Variants in ZNF451 observed in about 807,000 individuals in gnomAD.
The protein encoded by ZNF451 is E3 SUMO-protein ligase ZNF451.
Under a neutral mutation model 107.1 loss-of-function variants are expected in ZNF451, and 80 were observed. That is an observed-to-expected ratio of 0.75 (90% CI 0.62 to 0.90). The LOEUF (loss-of-function observed/expected upper bound fraction) is 0.90, where lower values mean the gene tolerates loss of function less well. Ranked by LOEUF, ZNF451 falls within the 40% of genes least tolerant of loss-of-function variation. The pLI, the probability that ZNF451 is intolerant of heterozygous loss-of-function variation, is 0.00. For synonymous variants in ZNF451, 362 were observed against 406.5 expected (o/e 0.89, Z 1.32); for missense variants, 1,107 against 1,236.2 (o/e 0.90, Z 1.57).
chr6:57,093,791 A>C (rs1829160465), intron 2 of ZNF451, among the ~76,000 whole-genome samples: 1 of 152,252 alleles, frequency 6.6e-6, no homozygotes, highest in African/African-American at 2.4e-5. Context: ...GATTATGTGT[A>C]GTCGTGAAAG....
chr6:57,118,369 A>G (rs1169142197), intron 3 of ZNF451, among the ~76,000 whole-genome samples: 1 of 152,228 alleles, frequency 6.6e-6, no homozygotes, highest in Non-Finnish European at 1.5e-5. Context: ...AACACACTCT[A>G]TACCTGTGTT....
At chr6:57,109,832 TTGTTATTTCATA>T (rs1398725712) in intron 3 of ZNF451, 6 of 575,836 alleles carry the variant, frequency 1.0e-5, no homozygotes, top group African/African-American at 8.1e-5. Context: ...AGATGGTATT[TTGTTATTTCATA>T]TCTGTGTTGA....
At chr6:57,091,324 T>G (rs900879069) in intron 2 of ZNF451, 5 of 100,662 alleles carry the variant, frequency 5.0e-5, no homozygotes, top group African/African-American at 1.9e-4. Flanking sequence ...TGAAGATTTC[T>G]CTAACCTCTG....
chr6:57,104,125 T>C (rs1184971063), intron 3 of ZNF451: 1 of 984,204 alleles, frequency 1.0e-6, no homozygotes, highest in East Asian at 1.1e-4. Flanking sequence ...TTATTTCCAC[T>C]TCTGTAGAAA....
intron 3 of ZNF451, among the ~76,000 whole-genome samples, chr6:57,113,530 C>T (rs910531916): frequency 4.0e-5 from 6 of 151,132 alleles, no homozygotes; most frequent in Non-Finnish European, 5.9e-5. Context: ...TTCAACTTTT[C>T]GATGAGTGAT....
chr6:57,097,615 C>G, intron 2 of ZNF451, among the ~76,000 whole-genome samples: 1 of 152,220 alleles, frequency 6.6e-6, no homozygotes, highest in Non-Finnish European at 1.5e-5. Context: ...TTATTGTTGC[C>G]GTGTTTCTGG....
intron 3 of ZNF451, chr6:57,116,759 C>G (rs780361738): frequency 1.3e-5 from 2 of 152,056 alleles, no homozygotes; most frequent in African/African-American, 4.8e-5. Flanking sequence ...TCTCCCAAAT[C>G]TGTTTTCAGT....
At chr6:57,108,958 A>G (rs1829993956) in intron 3 of ZNF451, 2 of 985,304 alleles carry the variant, frequency 2.0e-6, no homozygotes, top group East Asian at 1.1e-4. Context: ...GGCTGCCTCC[A>G]TGTGTTTTTC....
At chr6:57,154,724 C>A (rs919482997) in intron 13 of ZNF451, among the ~76,000 whole-genome samples, 1 of 152,084 alleles carries the variant, frequency 6.6e-6, no homozygotes, top group Non-Finnish European at 1.5e-5. Flanking sequence ...TTTTCATAAT[C>A]TCTGAAGTAA....
chr6:57,109,571 T>C (rs1330045193), intron 3 of ZNF451: 2 of 985,034 alleles, frequency 2.0e-6, no homozygotes, highest in South Asian at 4.7e-5. Flanking sequence ...GTATTGGCTA[T>C]AGATACATAC....
At chr6:57,099,199 C>G in intron 3 of ZNF451, 58 bp downstream of exon 3, 2 of 1,342,894 alleles carry the variant, frequency 1.5e-6, no homozygotes, top group Non-Finnish European at 2.1e-6. Context: ...GAGGTATTCT[C>G]TAAAGAGAGT....
At chr6:57,146,935 T>A (rs982463925) in intron 9 of ZNF451, among the ~76,000 whole-genome samples, 155 bp from the exon 10 acceptor site, 1 of 152,228 alleles carries the variant, frequency 6.6e-6, no homozygotes, top group Non-Finnish European at 1.5e-5. Flanking sequence ...TTTGAGATGA[T>A]AGAACATCAT....
chr6:57,105,603 C>T (rs1419959284), intron 3 of ZNF451: 3 of 985,272 alleles, frequency 3.0e-6, no homozygotes, highest in African/African-American at 1.7e-5. Context: ...CTCCCTCCCC[C>T]TTATTTAACT....
Position 57,145,840 on chromosome 6 carries a change from G to A in ZNF451, c.1005-1250G>A, listed in dbSNP as rs190016307. Among the ~76,000 whole-genome samples the A allele has an allele frequency of 3.3e-5, 5 of 152,184 alleles. No individual in the cohort carries two copies. In the East Asian group the frequency reaches 9.7e-4, roughly 29 times the overall value. ...CAGTAGTGGGACTGCTGGATCAAAGGGCGGTTCTATTTTTAGTTTTTTAAG... is the reference window on the plus strand; with the variant it reads ...CAGTAGTGGGACTGCTGGATCAAAGAGCGGTTCTATTTTTAGTTTTTTAAG... On this transcript the variant is annotated intron_variant, in intron 9 of 14. Coordinates refer to ENST00000370706, the MANE Select transcript of ZNF451 (RefSeq NM_001031623.3).
intron 3 of ZNF451, chr6:57,105,014 T>A: frequency 1.0e-6 from 1 of 983,048 alleles, no homozygotes; most frequent in Non-Finnish European, 1.2e-6. Flanking sequence ...TTTATTATTT[T>A]AAAATCTCTG....
chr6:57,114,051 GA>G (rs1681702500), intron 3 of ZNF451, among the ~76,000 whole-genome samples: 2 of 152,176 alleles, frequency 1.3e-5, no homozygotes, highest in Non-Finnish European at 2.9e-5. Context: ...AATTTTAACA[GA>G]AAGTTCATGT....
At chr6:57,145,666 A>G (rs1263311149) in intron 9 of ZNF451, among the ~76,000 whole-genome samples, 1 of 152,092 alleles carries the variant, frequency 6.6e-6, no homozygotes, top group African/African-American at 2.4e-5. Flanking sequence ...ATTCCATGGT[A>G]TATATACCAT....
intron 14 of ZNF451, among the ~76,000 whole-genome samples, chr6:57,162,068 GA>G (rs1475388463): frequency 6.6e-6 from 1 of 152,124 alleles, no homozygotes; most frequent in Non-Finnish European, 1.5e-5. Context: ...ATGAATCTTA[GA>G]AAATACTTTG....
intron 3 of ZNF451, chr6:57,124,322 C>A: frequency 1.5e-6 from 1 of 681,440 alleles, no homozygotes. Context: ...CTCGTCCACG[C>A]TAAGCATCCA....
Sources: allele counts gnomAD v4.1 joint callset (sites outside exome capture counted in the v4.1 genomes callset), GRCh38; gene constraint gnomAD v4.1.1; transcripts MANE v1.5; gene names NCBI Gene and HGNC (gene_info 2026-07-23, HGNC 2026-07-21).